The following KIF21B variants were observed in gnomAD, a reference collection of about 807,000 sequenced individuals.
KIF21B encodes kinesin family member 21B.
A neutral mutation model predicts 192.9 loss-of-function variants in KIF21B; 85 were observed. The observed-to-expected ratio is 0.44, with a 90% CI of 0.37 to 0.53. The LOEUF is 0.53. Ranked by LOEUF, KIF21B falls within the 20% of genes least tolerant of loss-of-function variation. KIF21B has a pLI of 0.00. For synonymous variants in KIF21B, 832 were observed against 884.6 expected (o/e 0.94, Z 1.05); for missense variants, 1,716 against 2,194.8 (o/e 0.78, Z 4.36).
intron 1 of KIF21B, among the ~76,000 whole-genome samples, chr1:201,018,336 C>T (rs1368898979): frequency 6.6e-6 from 1 of 152,172 alleles, no homozygotes; most frequent in Non-Finnish European, 1.5e-5. Flanking sequence ...GCTGGAGAAG[C>T]TCCCCAAACA....
chr1:201,021,119 C>T (rs777979480), intron 1 of KIF21B, among the ~76,000 whole-genome samples: 9 of 152,094 alleles, frequency 5.9e-5, no homozygotes, highest in Non-Finnish European at 1.3e-4. Context: ...GGGGGTGCTG[C>T]GGGGGAGGAT....
In KIF21B at chr1:200,974,742, T is replaced by C; in HGVS notation, c.4786A>G (p.Asn1596Asp). 6.2e-7 allele frequency: 1 copy of C among 1,614,210 alleles called. No homozygotes were observed. Among genetic ancestry groups the C allele is most frequent in the South Asian group, 1.1e-5 (1 of 91,090 alleles). The change falls in exon 34 of 35, where the codon AAT becomes GAT. Residue 1596 changes from asparagine (N) to aspartate (D), a missense_variant. Physicochemically the swap from Asn to Asp is conservative, Grantham distance 23. Coordinates refer to ENST00000461742, the MANE Select transcript of KIF21B (RefSeq NM_001252102.2). Reference sequence around the variant, plus strand: ...GAGGCTGTGAAGATATGCTTGGCATTGGTGCAGATGGCATTGATGGGACTG... The same window carrying C: ...GAGGCTGTGAAGATATGCTTGGCATCGGTGCAGATGGCATTGATGGGACTG... ...HDSPINAICTNAKHIFTASSD... is the reference protein window; with the variant it reads ...HDSPINAICTDAKHIFTASSD...
chr1:200,984,830 T>TC (rs747376599), intron 27 of KIF21B, 29 bp downstream of exon 27: 2 of 1,476,696 alleles, frequency 1.4e-6, no homozygotes, highest in South Asian at 1.3e-5. Flanking sequence ...CTCAGTGCCC[T>TC]CCCCCACTTG....
chr1:200,975,182 G>A lies in KIF21B; in HGVS notation c.4615-269C>T, dbSNP rs1053741030. Among the ~76,000 whole-genome samples the A allele has an allele frequency of 4.6e-5, 7 of 152,222 alleles. No individual in the cohort carries two copies. Among genetic ancestry groups the A allele is most frequent in the African/African-American group, 1.7e-4 (7 of 41,452 alleles). ...AGAGAACCCTTCAGCCCTCACACGG[G>A]TCAGGCTAAAACACAAATGCTCCCA... On this transcript the variant is annotated intron_variant, in intron 33 of 34. Coordinates refer to ENST00000461742, the MANE Select transcript of KIF21B (RefSeq NM_001252102.2). This position sits in a 1 kb window ranked among gnomAD's most constrained non-coding sequence, Gnocchi z 4.3.
At position 200,971,437 on chromosome 1, in the gene KIF21B, G is replaced by A. The variant is rs1006092164; in HGVS notation, c.*2084C>T. 2 of 152,548 alleles carry A rather than the reference G, an allele frequency of 1.3e-5. No individual in the cohort carries two copies. Among genetic ancestry groups the A allele is most frequent in the Non-Finnish European group, 2.9e-5 (2 of 68,068 alleles). The allele number at this position is 152,548 out of a possible 1,614,324, so 9.4% of individuals were successfully genotyped here. ...CAGTCACCCCAGGTGGGGCATCCCC[G>A]GCCCGGGGGTGGGAGCTCAAGGGGA... On this transcript the variant is annotated 3_prime_UTR_variant, in exon 35 of 35. Transcript: ENST00000461742.
intron 21 of KIF21B, 76 bp downstream of exon 21, chr1:200,989,866 T>C (rs1259075823): frequency 1.6e-6 from 2 of 1,218,902 alleles, no homozygotes; most frequent in African/African-American, 3.0e-5. Context: ...GCCAGGCCCC[T>C]GGGCTTCACA....
chr1:200,987,126 T>A lies in KIF21B; in HGVS notation c.3484A>T (p.Lys1162Ter). ...GAGGCCAGGGACTTGGTGATGTTCT[T>A]GGTGGAGATATCCAGTGGGGGGCCC... ...CLGPPLDIST[K>*]NITKSLASLV... Residue 1162 changes from lysine (K) to a stop codon, truncating the protein, a stop_gained, in exon 25 of 35, where the codon AAG (lysine) becomes TAG (stop). Transcript: ENST00000461742. LOFTEE classifies it high-confidence loss of function. The A allele has an allele frequency of 6.2e-7, 1 of 1,614,034 alleles. No homozygotes were observed. The highest frequency in any genetic ancestry group is 8.5e-7 in the Non-Finnish European group (1 of 1,180,004).
At chr1:200,985,046 C>T in intron 26 of KIF21B, 74 bp from the exon 27 acceptor site, 1 of 1,057,312 alleles carries the variant, frequency 9.5e-7, no homozygotes, top group Non-Finnish European at 1.4e-6. Context: ...TGCTGGGCTT[C>T]CACCTTCTGC....
In KIF21B at chr1:201,005,418, C is replaced by T. The variant is rs768455687; in HGVS notation, c.622G>A (p.Ala208Thr). 1.2e-6 allele frequency: 2 copies of T among 1,609,896 alleles called. No homozygotes were observed. Among genetic ancestry groups the T allele is most frequent in the East Asian group, 4.5e-5 (2 of 44,820 alleles). Residue 208 changes from alanine to threonine, a missense_variant, in exon 5 of 35, where the codon GCC becomes ACC. Coordinates refer to ENST00000461742, the MANE Select transcript of KIF21B (RefSeq NM_001252102.2). Reference protein sequence around the residue: ...EELIQCLKQGALSRTTASTQM... With the variant: ...EELIQCLKQGTLSRTTASTQM... ...GTGCTGGCTGTGGTGCGGGACAGGG[C>T]CCCCTGCTTCAGGCACTGGATCAGC...
chr1:201,015,750 C>T (rs917691623), intron 1 of KIF21B, among the ~76,000 whole-genome samples: 2 of 152,214 alleles, frequency 1.3e-5, no homozygotes, highest in East Asian at 3.9e-4. Flanking sequence ...CAGGCACCAG[C>T]TCTTCCTCAT....
In KIF21B at chr1:200,998,437, T is replaced by G; in HGVS notation, c.2024A>C (p.Gln675Pro). Residue 675 changes from glutamine to proline, a missense_variant, in exon 14 of 35, where the codon CAG (glutamine) becomes CCG (proline). This residue lies in a region of KIF21B where 1,087 missense variants were observed against 1,316.6 expected (regional missense o/e 0.83). Transcript: ENST00000461742. This position sits in a 1 kb window ranked among gnomAD's most constrained non-coding sequence, Gnocchi z 4.3. ...HQYEEKLILL[Q>P]NKIRDTQLER... is the part of the protein sequence containing the mutation. ...CAGCTGTGTGTCTCGGATCTTGTTC[T>G]GCAGCAGAATCAGCTTTTCCTCATA... The G allele has an allele frequency of 6.2e-7, 1 of 1,614,122 alleles. No individual in the cohort carries two copies. Among genetic ancestry groups the G allele is most frequent in the Non-Finnish European group, 8.5e-7 (1 of 1,180,030 alleles).
chr1:200,984,227 C>T (rs1437728164), intron 27 of KIF21B, among the ~76,000 whole-genome samples: 1 of 152,212 alleles, frequency 6.6e-6, no homozygotes, highest in East Asian at 1.9e-4. Flanking sequence ...CTCTTTGAGC[C>T]TCATTTCCTC....
intron 30 of KIF21B, among the ~76,000 whole-genome samples, chr1:200,977,886 C>A (rs1379080855): frequency 1.3e-5 from 2 of 151,278 alleles, no homozygotes; most frequent in East Asian, 3.9e-4. Context: ...AGGCATGCGC[C>A]ACCATCCCAA....
intron 1 of KIF21B, among the ~76,000 whole-genome samples, chr1:201,011,963 C>T (rs1174148103): frequency 6.6e-6 from 1 of 152,250 alleles, no homozygotes; most frequent in Non-Finnish European, 1.5e-5. Context: ...ATGAGAGGGG[C>T]AGCTTCTGCT....
At chr1:201,008,441 C>T (rs979698101) in intron 3 of KIF21B, among the ~76,000 whole-genome samples, 2 of 152,166 alleles carry the variant, frequency 1.3e-5, no homozygotes, top group East Asian at 3.8e-4. Flanking sequence ...AAACAGGTAC[C>T]ACCCCATTTT....
rs927371132 is a variant in KIF21B, at chr1:200,982,906, G to A, written c.3842+150C>T. On this transcript the variant is annotated intron_variant, in intron 28 of 34. Transcript: ENST00000461742. The surrounding 1 kb of genome is among the most constrained non-coding windows in gnomAD (Gnocchi z 4.7). ...AGAGGAACCATGGGGGCAGGAACAGGTCTGGAGAGGGGGGCAGCAGGAAGG... is the reference window on the plus strand; with the variant it reads ...AGAGGAACCATGGGGGCAGGAACAGATCTGGAGAGGGGGGCAGCAGGAAGG... 2.7e-6 allele frequency: 2 copies of A among 728,392 alleles called. No individual in the cohort carries two copies. Among genetic ancestry groups the A allele is most frequent in the Admixed American group, 2.0e-5 (1 of 49,096 alleles). 45.1% of individuals were successfully genotyped at this position (728,392 alleles called of 1,614,324 possible).
chr1:201,019,995 TG>T (rs1478214201), intron 1 of KIF21B, among the ~76,000 whole-genome samples: 1 of 152,178 alleles, frequency 6.6e-6, no homozygotes, highest in Non-Finnish European at 1.5e-5. Flanking sequence ...GGGAGAGGGC[TG>T]GGGTGCAATC....
At chr1:200,992,495 A>G in intron 15 of KIF21B, 106 bp from the exon 16 acceptor site, 1 of 1,166,606 alleles carries the variant, frequency 8.6e-7, no homozygotes, top group African/African-American at 1.5e-5. Flanking sequence ...GATAGTGGCT[A>G]GCCAGGCAAC....
In KIF21B at chr1:200,999,972, G is replaced by C. The variant is rs1384429873; in HGVS notation, c.1686-8C>G. The C allele has an allele frequency of 6.2e-7, 1 of 1,613,280 alleles. No homozygotes were observed. Among genetic ancestry groups the C allele is most frequent in the African/African-American group, 1.3e-5 (1 of 74,926 alleles). ...AAGGCTTCCTTCTCGGGGCTGCTCAGGGAGGACAGGGAAGCTGGATTAGGA... is the reference window on the plus strand; with the variant it reads ...AAGGCTTCCTTCTCGGGGCTGCTCACGGAGGACAGGGAAGCTGGATTAGGA... On this transcript the variant is annotated splice_polypyrimidine_tract_variant and splice_region_variant and intron_variant, in intron 11 of 34. Coordinates refer to ENST00000461742, the MANE Select transcript of KIF21B (RefSeq NM_001252102.2). This position sits in a 1 kb window ranked among gnomAD's most constrained non-coding sequence, Gnocchi z 4.7.
Sources: gnomAD v4.1 joint callset for allele counts (sites outside exome capture counted in the v4.1 genomes callset) on GRCh38, gnomAD v4.1.1 for gene constraint, gnomAD v4.1.1 regional missense constraint, Gnocchi (gnomAD v3.1) non-coding constraint, MANE v1.5 for transcripts, NCBI Gene and HGNC (gene_info 2026-07-23, HGNC 2026-07-21) for gene names.